Variants in BIRC6 observed in about 807,000 individuals in gnomAD.
BIRC6 encodes the protein baculoviral IAP repeat containing 6.
BIRC6 carries 98 observed loss-of-function variants against 503.3 expected under a neutral mutation model. The ratio of observed to expected loss-of-function variants is 0.19; its 90% CI spans 0.17 to 0.23. The LOEUF (loss-of-function observed/expected upper bound fraction) is 0.23, where lower values mean the gene tolerates loss of function less well. Among genes scored for constraint, BIRC6 ranks in the 10% least tolerant of loss-of-function variants. The probability of loss-of-function intolerance (pLI) is 1.00; values close to 1 mark genes in which losing one functional copy is unlikely to be tolerated. For missense variants in BIRC6, 5,360 were observed against 5,806.0 expected (o/e 0.92, Z 2.50); for synonymous variants, 2,240 against 2,078.7 (o/e 1.08, Z -2.11).
intron 66 of BIRC6, among the ~76,000 whole-genome samples, chr2:32,591,593 A>G (rs975906456): frequency 6.6e-6 from 1 of 152,178 alleles, no homozygotes; most frequent in East Asian, 1.9e-4. Flanking sequence ...CATCAAAGAG[A>G]AAATAACCTT....
intron 1 of BIRC6, among the ~76,000 whole-genome samples, chr2:32,362,611 C>G (rs1443156110): frequency 6.6e-6 from 1 of 152,098 alleles, no homozygotes; most frequent in Non-Finnish European, 1.5e-5. Flanking sequence ...AGCCACCTCA[C>G]CCAGCCTGAC....
chr2:32,525,643 T>C lies in BIRC6; in HGVS notation c.11920+15T>C. ...ACTCTTGGCAGGTAATATTCCTCAA[T>C]GAATAAACGTCAAAGAAATTTTAGT... On this transcript the variant is annotated intron_variant, in intron 59 of 73. Coordinates refer to ENST00000421745, the MANE Select transcript of BIRC6 (RefSeq NM_016252.4). 1 of 1,597,626 alleles carries C rather than the reference T, an allele frequency of 6.3e-7. No individual in the cohort carries two copies. The highest frequency in any genetic ancestry group is 8.5e-7 in the Non-Finnish European group (1 of 1,172,900).
intron 65 of BIRC6, among the ~76,000 whole-genome samples, chr2:32,559,802 C>A (rs2059032964): frequency 6.6e-6 from 1 of 151,942 alleles, no homozygotes; most frequent in Non-Finnish European, 1.5e-5. Flanking sequence ...CGGTGGATCA[C>A]CTGAGTTCAA....
At chr2:32,575,076 A>G in intron 65 of BIRC6, 80 bp from the exon 66 acceptor site, 14 of 1,458,256 alleles carry the variant, frequency 9.6e-6, no homozygotes, top group Non-Finnish European at 1.3e-5. Context: ...GGTAAGATCC[A>G]GGTAAAAGCT....
intron 1 of BIRC6, among the ~76,000 whole-genome samples, chr2:32,371,215 CAAAAAAAA>C (rs1179033406): frequency 1.1e-3 from 33 of 28,722 alleles, no homozygotes; most frequent in African/African-American, 3.5e-3. Flanking sequence ...GACCCTGTCT[CAAAAAAAA>C]AAAAAAAAAA....
chr2:32,498,537 AAC>A (rs1249642810), intron 45 of BIRC6, among the ~76,000 whole-genome samples: 1 of 152,146 alleles, frequency 6.6e-6, no homozygotes, highest in Non-Finnish European at 1.5e-5. Context: ...ATATGCTATA[AAC>A]ACAATACTGT....
At chr2:32,530,564 A>G (rs973264837) in intron 60 of BIRC6, among the ~76,000 whole-genome samples, 1 of 151,992 alleles carries the variant, frequency 6.6e-6, no homozygotes, top group African/African-American at 2.4e-5. Flanking sequence ...CTATTTTTTC[A>G]TAAAAATGTA....
intron 70 of BIRC6, 122 bp downstream of exon 70, chr2:32,600,022 C>T: frequency 1.1e-6 from 1 of 870,582 alleles, no homozygotes; most frequent in African/African-American, 1.7e-5. Flanking sequence ...TTGTACTTCT[C>T]TTCCCTACGT....
intron 2 of BIRC6, among the ~76,000 whole-genome samples, chr2:32,378,084 C>A (rs1171521848): frequency 6.6e-6 from 1 of 152,016 alleles, no homozygotes; most frequent in Non-Finnish European, 1.5e-5. Context: ...AAGTGTATGG[C>A]CATCATTGCC....
In BIRC6 at chr2:32,593,519, T is replaced by C. The variant is rs187255618; in HGVS notation, c.13356-396T>C. Among the ~76,000 whole-genome samples the C allele has an allele frequency of 5.3e-5, 8 of 152,324 alleles. No individual in the cohort carries two copies. In the East Asian group the frequency reaches 1.3e-3, roughly 26 times the overall value. ...TTTTACTCTAAAATATGTTTTTTTT[T>C]CTTGGAAATTTAATTCTGAGTGAAA... is the stretch of plus-strand genomic sequence containing the variant. On this transcript the variant is annotated intron_variant, in intron 66 of 73. Transcript: ENST00000421745.
At chr2:32,448,485 C>T (rs1359419417) in intron 21 of BIRC6, among the ~76,000 whole-genome samples, 1 of 152,060 alleles carries the variant, frequency 6.6e-6, no homozygotes, top group Admixed American at 6.5e-5. Context: ...CCCGTCTCCA[C>T]CAAAAAAAAC....
At chr2:32,531,700 C>A in intron 61 of BIRC6, 149 bp downstream of exon 61, 1 of 716,566 alleles carries the variant, frequency 1.4e-6, no homozygotes, top group South Asian at 2.0e-5. Context: ...TTTCAATGGT[C>A]AGTCTGTACA....
chr2:32,424,711 C>T (rs1262702917), intron 10 of BIRC6, among the ~76,000 whole-genome samples: 1 of 152,088 alleles, frequency 6.6e-6, no homozygotes, highest in Non-Finnish European at 1.5e-5. Flanking sequence ...CACTATTTCG[C>T]CATGTTGACC....
At chr2:32,585,189 A>G (rs991267053) in intron 66 of BIRC6, among the ~76,000 whole-genome samples, 1 of 152,174 alleles carries the variant, frequency 6.6e-6, no homozygotes, top group African/African-American at 2.4e-5. Flanking sequence ...GCCAAAGACA[A>G]CCTGTGAAAA....
At chr2:32,557,865 G>T (rs945466811) in intron 65 of BIRC6, 1 of 152,160 alleles carries the variant, frequency 6.6e-6, no homozygotes. Flanking sequence ...CCCAGAAAAT[G>T]TCTTCATCTA....
chr2:32,550,704 T>C (rs1264548996), intron 65 of BIRC6, among the ~76,000 whole-genome samples: 1 of 152,078 alleles, frequency 6.6e-6, no homozygotes, highest in Non-Finnish European at 1.5e-5. Context: ...GGTCTGAAAT[T>C]GACTCTCTTA....
chr2:32,615,248 A>G (rs1367959564), intron 73 of BIRC6, among the ~76,000 whole-genome samples: 4 of 152,320 alleles, frequency 2.6e-5, no homozygotes, highest in Non-Finnish European at 2.9e-5. Context: ...GGCAGGGACA[A>G]ATATCCAAAC....
chr2:32,384,917 T>G (rs2038223376), intron 3 of BIRC6, among the ~76,000 whole-genome samples: 1 of 152,212 alleles, frequency 6.6e-6, no homozygotes, highest in Non-Finnish European at 1.5e-5. Flanking sequence ...TTTTACCCTC[T>G]GAGAGTTCTA....
chr2:32,513,186 C>T (rs1023484773), intron 54 of BIRC6, 32 bp downstream of exon 54: 5 of 1,526,934 alleles, frequency 3.3e-6, no homozygotes, highest in Admixed American at 1.7e-5. Flanking sequence ...TTTTTTATCC[C>T]CCAGTACTAG....
Sources: allele counts gnomAD v4.1 joint callset (sites outside exome capture counted in the v4.1 genomes callset), GRCh38; gene constraint gnomAD v4.1.1; transcripts MANE v1.5; gene names NCBI Gene and HGNC (gene_info 2026-07-23, HGNC 2026-07-21).